Variants in DHRSX observed in about 807,000 individuals in gnomAD.
DHRSX encodes the protein dehydrogenase/reductase X-linked, also known as polyprenol dehydrogenase.
A neutral mutation model predicts 34.0 loss-of-function variants in DHRSX; 31 were observed. That is an observed-to-expected ratio of 0.91 (90% CI 0.69 to 1.23). The LOEUF is 1.23. Among genes scored for constraint, DHRSX ranks in the 50% most tolerant of loss-of-function variants. The pLI, the probability that DHRSX is intolerant of heterozygous loss-of-function variation, is 0.00. For missense variants in DHRSX, 414 were observed against 428.1 expected (o/e 0.97, Z 0.29); for synonymous variants, 201 against 183.8 (o/e 1.09, Z -0.76).
intron 4 of DHRSX, among the ~76,000 whole-genome samples, chrX:2,268,342 T>C (rs1425366278): frequency 1.3e-5 from 2 of 152,246 alleles, no homozygotes; most frequent in Non-Finnish European, 2.9e-5. Flanking sequence ...TGTATGTACA[T>C]GGATAATGTA....
rs777015369 is a variant in DHRSX at position 2,249,288 on chromosome X, G to T, written c.597-6058C>A. 3.3e-5 allele frequency among the ~76,000 whole-genome samples: 5 copies of T among 149,518 alleles called. No homozygotes were observed. In the South Asian group the frequency reaches 1.1e-3, roughly 32 times the overall value. On this transcript the variant is annotated intron_variant, in intron 5 of 6. Transcript: ENST00000334651. ...GCTCACTGCAACCACCCCCTCCTGG[G>T]TTCACACCATTCTCCTGCCTTAACC...
At chrX:2,476,409 A>G (rs893824888) in intron 1 of DHRSX, among the ~76,000 whole-genome samples, 2 of 151,882 alleles carry the variant, frequency 1.3e-5, no homozygotes, top group Admixed American at 6.6e-5. Context: ...AAAAAAAAAA[A>G]AAAGAAAGAA....
intron 2 of DHRSX, among the ~76,000 whole-genome samples, chrX:2,418,019 A>C (rs1455698888): frequency 6.6e-6 from 1 of 151,990 alleles, no homozygotes; most frequent in East Asian, 1.9e-4. Flanking sequence ...GACCTAACTC[A>C]ACTACATTTC....
Position 2,383,905 on chromosome X carries a change from C to T in DHRSX, c.286+24840G>A, listed in dbSNP as rs185220106. Reference sequence around the variant, plus strand: ...TCAAGAACCAGGAACCACATGTGCACAGCTACAGCAAACAGGTGGAGGCAT... The same window carrying T: ...TCAAGAACCAGGAACCACATGTGCATAGCTACAGCAAACAGGTGGAGGCAT... On this transcript the variant is annotated intron_variant, in intron 3 of 6. Transcript: ENST00000334651. Among the ~76,000 whole-genome samples the T allele has an allele frequency of 5.7e-3, 866 of 152,308 alleles. 30 individuals are homozygous for T. In the East Asian group the frequency reaches 0.093, roughly 16 times the overall value.
chrX:2,490,218 T>G (rs777355574), intron 1 of DHRSX: 2 of 1,613,948 alleles, frequency 1.2e-6, no homozygotes, highest in East Asian at 4.5e-5. Flanking sequence ...TTGGTAGAGA[T>G]GTACTTCCGG....
chrX:2,387,887 G>A (rs1458214702), intron 3 of DHRSX, among the ~76,000 whole-genome samples: 1 of 71,298 alleles, frequency 1.4e-5, no homozygotes, highest in Non-Finnish European at 2.8e-5. Context: ...CCTACTCTGA[G>A]CCTCCACCCT....
At position 2,476,349 on chromosome X, in the gene DHRSX, G is replaced by T. The variant is rs1325853106; in HGVS notation, c.109+24468C>A. Among the ~76,000 whole-genome samples, 3 of 149,446 alleles carry T rather than the reference G, an allele frequency of 2.0e-5. No homozygotes were observed. In the East Asian group the frequency reaches 5.9e-4, roughly 30 times the overall value. On this transcript the variant is annotated intron_variant, in intron 1 of 6. Coordinates refer to ENST00000334651, the MANE Select transcript of DHRSX (RefSeq NM_145177.3). ...GGAGATGTTGGCTGCAGTGAGCCAA[G>T]ATTGAGCCATTGCACTCCAGCCTTG...
At chrX:2,430,428 G>A (rs937142473) in intron 1 of DHRSX, among the ~76,000 whole-genome samples, 4 of 152,074 alleles carry the variant, frequency 2.6e-5, no homozygotes, top group Non-Finnish European at 4.4e-5. Context: ...TGCAACAATC[G>A]CCTGACACCA....
rs1170071883 is a variant in DHRSX at position 2,337,803 on chromosome X, T to G, written c.287-46200A>C. The G allele has an allele frequency of 5.9e-5, 9 of 152,168 alleles. No homozygotes were observed. In the South Asian group the frequency reaches 1.9e-3, roughly 32 times the overall value. 9.4% of individuals were successfully genotyped at this position (152,168 alleles called of 1,614,324 possible). Reference sequence around the variant, plus strand: ...GCACACTTAACAAGCACGTCATGTTTAGCTGCTCAGCAGAGCTTCCTTCTT... The same window carrying G: ...GCACACTTAACAAGCACGTCATGTTGAGCTGCTCAGCAGAGCTTCCTTCTT... On this transcript the variant is annotated intron_variant, in intron 3 of 6. Coordinates refer to ENST00000334651, the MANE Select transcript of DHRSX (RefSeq NM_145177.3).
intron 5 of DHRSX, among the ~76,000 whole-genome samples, chrX:2,253,812 G>A (rs1343739380): frequency 1.3e-5 from 2 of 152,160 alleles, no homozygotes; most frequent in Non-Finnish European, 2.9e-5. Flanking sequence ...TGTAATCCCA[G>A]CACTTTGGGA....
At position 2,265,914 on chromosome X, in the gene DHRSX, C is replaced by T. The variant is rs759625664; in HGVS notation, c.596+826G>A. On this transcript the variant is annotated intron_variant, in intron 5 of 6. Transcript: ENST00000334651. Reference sequence around the variant, plus strand: ...ACAGGGAGCACTGTCCCCAGAGCACCAGTGCTCGGCAGATGCAGGGAGCAC... The same window carrying T: ...ACAGGGAGCACTGTCCCCAGAGCACTAGTGCTCGGCAGATGCAGGGAGCAC... Among the ~76,000 whole-genome samples the T allele has an allele frequency of 3.3e-4, 46 of 141,270 alleles. 1 individual carries two copies. Among genetic ancestry groups the T allele is most frequent in the African/African-American group, 1.2e-3 (43 of 36,866 alleles). The allele number at this position is 141,270 out of a possible 152,430, so 92.7% of individuals were successfully genotyped here.
rs1235708812 is a variant in DHRSX at position 2,300,512 on chromosome X, C to T, written c.287-8909G>A. On this transcript the variant is annotated intron_variant, in intron 3 of 6. Coordinates refer to ENST00000334651, the MANE Select transcript of DHRSX (RefSeq NM_145177.3). ...GTGGGGTGGGAAAGGCAGACCCACCCTTAATCGGGGTGGGCACCATCTAAT... is the reference window on the plus strand; with the variant it reads ...GTGGGGTGGGAAAGGCAGACCCACCTTTAATCGGGGTGGGCACCATCTAAT... 2.0e-5 allele frequency among the ~76,000 whole-genome samples: 3 copies of T among 152,144 alleles called. No individual in the cohort carries two copies. In the East Asian group the frequency reaches 5.8e-4, roughly 29 times the overall value.
intron 5 of DHRSX, among the ~76,000 whole-genome samples, chrX:2,246,441 G>C (rs752912920): frequency 6.6e-6 from 1 of 151,940 alleles, no homozygotes; most frequent in Admixed American, 6.6e-5. Context: ...GGTTAACATG[G>C]TGAAACCCCA....
chrX:2,345,540 G>A (rs1372188577), intron 3 of DHRSX, among the ~76,000 whole-genome samples: 7 of 151,370 alleles, frequency 4.6e-5, no homozygotes, highest in South Asian at 2.1e-4. Flanking sequence ...ACAACTACTC[G>A]GGAGGATGAG....
At chrX:2,453,985 C>G (rs1388332947) in intron 1 of DHRSX, among the ~76,000 whole-genome samples, 2 of 152,112 alleles carry the variant, frequency 1.3e-5, no homozygotes, top group African/African-American at 2.4e-5. Context: ...AATCATTGCA[C>G]AATGTGTACT....
At chrX:2,489,218 G>C in intron 1 of DHRSX, 3 of 1,613,844 alleles carry the variant, frequency 1.9e-6, no homozygotes, top group Non-Finnish European at 2.5e-6. Flanking sequence ...CAGGCCCTTG[G>C]CCTCTTCCAC....
chrX:2,439,878 G>T (rs35050128), intron 1 of DHRSX, among the ~76,000 whole-genome samples: 54,443 of 151,926 alleles, frequency 0.36, 12,121 homozygotes, highest in East Asian at 0.61. Flanking sequence ...TCACTCACAC[G>T]CTACTCACCT....
Position 2,331,450 on chromosome X carries a change from T to C in DHRSX, c.287-39847A>G, listed in dbSNP as rs1286642367. On this transcript the variant is annotated intron_variant, in intron 3 of 6. Coordinates refer to ENST00000334651, the MANE Select transcript of DHRSX (RefSeq NM_145177.3). ...AAGGTTTTTTGGTTTTTTTTTTTTTTTTTTTTTTTTTTTTGAGACGGAGTT... is the reference window on the plus strand; with the variant it reads ...AAGGTTTTTTGGTTTTTTTTTTTTTCTTTTTTTTTTTTTTGAGACGGAGTT... Among the ~76,000 whole-genome samples, 61 of 135,642 alleles carry C rather than the reference T, an allele frequency of 4.5e-4. 1 individual carries two copies. Among genetic ancestry groups the C allele is most frequent in the African/African-American group, 1.4e-3 (56 of 38,710 alleles). The allele number at this position is 135,642 out of a possible 152,430, so 89.0% of individuals were successfully genotyped here. A position where few individuals can be genotyped will look rare whatever the true frequency, so the allele number is the denominator to read the frequency against.
intron 1 of DHRSX, among the ~76,000 whole-genome samples, chrX:2,470,145 CAG>C (rs199998310): frequency 0.037 from 5,524 of 150,238 alleles, 142 homozygotes; most frequent in Non-Finnish European, 0.057. Flanking sequence ...GAACCAGGCA[CAG>C]AGAGACAAAT....
Sources: gnomAD v4.1 joint callset for allele counts (sites outside exome capture counted in the v4.1 genomes callset) on GRCh38, gnomAD v4.1.1 for gene constraint, MANE v1.5 for transcripts, NCBI Gene and HGNC (gene_info 2026-07-23, HGNC 2026-07-21) for gene names.